Variants in GNAZ observed in about 807,000 individuals in gnomAD.
The protein encoded by GNAZ is guanine nucleotide-binding protein G(z) subunit alpha.
In GNAZ, 3 loss-of-function variants were observed where a neutral mutation model predicts 25.4. That is an observed-to-expected ratio of 0.12 (90% confidence interval 0.05 to 0.30). The LOEUF (loss-of-function observed/expected upper bound fraction) is 0.30, where lower values mean the gene tolerates loss of function less well. Among genes scored for constraint, GNAZ ranks in the 10% least tolerant of loss-of-function variants. GNAZ has a pLI of 1.00. For synonymous variants in GNAZ, 211 were observed against 205.7 expected (o/e 1.03, Z -0.22); for missense variants, 241 against 501.8 (o/e 0.48, Z 4.97).
At chr22:23,122,104 G>GT (rs935509630) in intron 2 of GNAZ, among the ~76,000 whole-genome samples, 2 of 152,156 alleles carry the variant, frequency 1.3e-5, no homozygotes. Context: ...TGCTCATTGA[G>GT]TTTATCTTAG....
chr22:23,079,975 G>A lies in GNAZ; in HGVS notation c.-450+9405G>A, dbSNP rs555952239. On this transcript the variant is annotated intron_variant, in intron 1 of 2. Transcript: ENST00000615612. Reference sequence around the variant, plus strand: ...GCAGGGCCTCAAAGACCCAGAAGGTGAAATCAGATTCCCCACTCAAGTGAG... The same window carrying A: ...GCAGGGCCTCAAAGACCCAGAAGGTAAAATCAGATTCCCCACTCAAGTGAG... Among the ~76,000 whole-genome samples, 7 of 152,272 alleles carry A rather than the reference G, an allele frequency of 4.6e-5. No individual in the cohort carries two copies. The East Asian group carries it at 9.7e-4, about 21-fold the overall frequency.
At chr22:23,076,682 G>A (rs1460006439) in intron 1 of GNAZ, among the ~76,000 whole-genome samples, 4 of 152,340 alleles carry the variant, frequency 2.6e-5, no homozygotes, top group Middle Eastern at 3.4e-3. Context: ...TGTCAGACAC[G>A]GGGATTCACA....
At chr22:23,093,231 C>T (rs955326385) in intron 1 of GNAZ, among the ~76,000 whole-genome samples, 1 of 152,228 alleles carries the variant, frequency 6.6e-6, no homozygotes, top group Non-Finnish European at 1.5e-5. Flanking sequence ...GGCTGAGTGA[C>T]TGTTTAATCA....
rs2070091695 is a variant in GNAZ, at chr22:23,123,532, C to T, written c.*101C>T. ...CAATCCAGGGGCAGAAAACAGGGGG[C>T]CTAAAGAATGTCCCCCACCCCTTGG... On this transcript the variant is annotated 3_prime_UTR_variant, in exon 3 of 3. Coordinates refer to ENST00000615612, the MANE Select transcript of GNAZ (RefSeq NM_002073.4). 2 of 707,532 alleles carry T rather than the reference C, an allele frequency of 2.8e-6. No homozygotes were observed. Among genetic ancestry groups the T allele is most frequent in the Non-Finnish European group, 4.8e-6 (2 of 420,930 alleles). The allele number at this position is 707,532 out of a possible 1,614,324, so 43.8% of individuals were successfully genotyped here. A position where few individuals can be genotyped will look rare whatever the true frequency, so the allele number is the denominator to read the frequency against.
In GNAZ at chr22:23,089,899, G is replaced by C. The variant is rs532817021; in HGVS notation, c.-449-5348G>C. On this transcript the variant is annotated intron_variant, in intron 1 of 2. Transcript: ENST00000615612. ...AGATGCTAGTTTCCTGAGGCTGCTG[G>C]GGAGGAGGCAGGCAGGTGCAGACTC... Among the ~76,000 whole-genome samples, 6 of 152,292 alleles carry C rather than the reference G, an allele frequency of 3.9e-5. No homozygotes were observed. The East Asian group carries it at 9.7e-4, about 25-fold the overall frequency.
At chr22:23,114,248 G>C (rs1429161460) in intron 2 of GNAZ, among the ~76,000 whole-genome samples, 3 of 152,196 alleles carry the variant, frequency 2.0e-5, no homozygotes, top group Admixed American at 6.5e-5. Flanking sequence ...TGCTCTCGGC[G>C]TGAAAAAGCT....
chr22:23,102,574 C>T (rs897582169), intron 2 of GNAZ, among the ~76,000 whole-genome samples: 2 of 152,186 alleles, frequency 1.3e-5, no homozygotes, highest in African/African-American at 4.8e-5. Flanking sequence ...GGCGGCAGGG[C>T]CCTGGGCTCA....
intron 1 of GNAZ, among the ~76,000 whole-genome samples, chr22:23,089,389 G>A (rs1197662644): frequency 6.6e-6 from 1 of 152,200 alleles, no homozygotes; most frequent in Non-Finnish European, 1.5e-5. Flanking sequence ...ATGGCCTGGT[G>A]TGGTCCTGGC....
At chr22:23,109,227 G>A (rs999898634) in intron 2 of GNAZ, among the ~76,000 whole-genome samples, 1 of 152,168 alleles carries the variant, frequency 6.6e-6, no homozygotes, top group Non-Finnish European at 1.5e-5. Flanking sequence ...AGTTCAAGGA[G>A]AACCAAGGCA....
intron 1 of GNAZ, among the ~76,000 whole-genome samples, chr22:23,076,036 C>T (rs1313892099): frequency 6.6e-6 from 1 of 152,188 alleles, no homozygotes; most frequent in Non-Finnish European, 1.5e-5. Flanking sequence ...TGGTCCCTCT[C>T]ACCCTGGTTG....
At chr22:23,079,011 C>T (rs533480326) in intron 1 of GNAZ, among the ~76,000 whole-genome samples, 3 of 152,274 alleles carry the variant, frequency 2.0e-5, no homozygotes, top group South Asian at 2.1e-4. Flanking sequence ...CCACGTTGAC[C>T]GATTCCTCAC....
At position 23,086,742 on chromosome 22, in the gene GNAZ, G is replaced by A. The variant is rs563679912; in HGVS notation, c.-449-8505G>A. ...CATGACCAGACCACTGGAGAGAGGG[G>A]AAATGCAGTCATGGGGCTGCAGCAT... is the stretch of plus-strand genomic sequence containing the variant. On this transcript the variant is annotated intron_variant, in intron 1 of 2. Transcript: ENST00000615612. Among the ~76,000 whole-genome samples the A allele has an allele frequency of 4.6e-5, 7 of 152,382 alleles. No individual in the cohort carries two copies. In the South Asian group the frequency reaches 1.2e-3, roughly 27 times the overall value.
At chr22:23,105,299 C>T (rs1284604810) in intron 2 of GNAZ, among the ~76,000 whole-genome samples, 1 of 152,268 alleles carries the variant, frequency 6.6e-6, no homozygotes, top group African/African-American at 2.4e-5. Flanking sequence ...TCCTGCCCCA[C>T]AGGGCCACCC....
chr22:23,086,317 T>C (rs569545062), intron 1 of GNAZ, among the ~76,000 whole-genome samples: 92 of 152,302 alleles, frequency 6.0e-4, no homozygotes, highest in South Asian at 1.7e-3. Context: ...CCTCCATCTT[T>C]GCGCTTTGAT....
intron 2 of GNAZ, among the ~76,000 whole-genome samples, chr22:23,099,860 G>A (rs890579629): frequency 3.3e-5 from 5 of 152,254 alleles, no homozygotes; most frequent in African/African-American, 1.2e-4. Flanking sequence ...TCTTCACTCG[G>A]CCCCACTGGA....
At chr22:23,079,986 C>T (rs897889414) in intron 1 of GNAZ, among the ~76,000 whole-genome samples, 1 of 152,090 alleles carries the variant, frequency 6.6e-6, no homozygotes, top group Non-Finnish European at 1.5e-5. Context: ...AAATCAGATT[C>T]CCCACTCAAG....
intron 2 of GNAZ, among the ~76,000 whole-genome samples, chr22:23,111,803 A>G (rs1015237942): frequency 6.6e-6 from 1 of 152,166 alleles, no homozygotes; most frequent in Admixed American, 6.5e-5. Context: ...TTTGGACTTA[A>G]CCCTGTTTGT....
chr22:23,103,274 GTTC>G (rs1246593900), intron 2 of GNAZ, among the ~76,000 whole-genome samples: 1 of 152,190 alleles, frequency 6.6e-6, no homozygotes, highest in East Asian at 1.9e-4. Context: ...CTACAAAACA[GTTC>G]TACTCCTCCC....
intron 2 of GNAZ, among the ~76,000 whole-genome samples, chr22:23,113,311 C>A (rs984958633): frequency 7.2e-5 from 11 of 152,252 alleles, no homozygotes; most frequent in African/African-American, 2.7e-4. Context: ...CCGGCTCCCA[C>A]CCCAGCACTC....
Sources: allele counts gnomAD v4.1 joint callset (sites outside exome capture counted in the v4.1 genomes callset), GRCh38; gene constraint gnomAD v4.1.1; transcripts MANE v1.5; gene names NCBI Gene and HGNC (gene_info 2026-07-23, HGNC 2026-07-21).